The following SLC25A20 variants were observed in gnomAD, a reference collection of about 807,000 sequenced individuals.
SLC25A20 encodes solute carrier family 25 member 20, also known as mitochondrial carnitine/acylcarnitine carrier protein.
A neutral mutation model predicts 39.7 loss-of-function variants in SLC25A20; 29 were observed. The observed-to-expected ratio is 0.73, with a 90% CI of 0.54 to 1.00. The LOEUF (loss-of-function observed/expected upper bound fraction) is 1.00. SLC25A20 is among the 50% of genes least tolerant of loss of function. The pLI, the probability that SLC25A20 is intolerant of heterozygous loss-of-function variation, is 0.00. For missense variants in SLC25A20, 333 were observed against 379.9 expected (o/e 0.88, Z 1.03); for synonymous variants, 103 against 142.2 (o/e 0.72, Z 1.96).
intron 4 of SLC25A20, among the ~76,000 whole-genome samples, chr3:48,869,272 CAG>C (rs780992517): frequency 1.3e-5 from 2 of 152,178 alleles, no homozygotes; most frequent in African/African-American, 2.4e-5. Context: ...ACCAAGATGT[CAG>C]AGACATTAGA....
chr3:48,868,928 T>A (rs933210704), intron 4 of SLC25A20, among the ~76,000 whole-genome samples: 10 of 152,184 alleles, frequency 6.6e-5, no homozygotes, highest in East Asian at 1.9e-4. Context: ...AATTAAATTT[T>A]AAAAAAAGGA....
At chr3:48,893,190 G>T (rs1222636854) in intron 1 of SLC25A20, among the ~76,000 whole-genome samples, 2 of 151,276 alleles carry the variant, frequency 1.3e-5, no homozygotes, top group African/African-American at 4.9e-5. Context: ...ACAATGCCAG[G>T]CTAATTTTTA....
chr3:48,883,738 C>T (rs777318153), intron 3 of SLC25A20, among the ~76,000 whole-genome samples: 19 of 150,448 alleles, frequency 1.3e-4, no homozygotes, highest in Non-Finnish European at 2.7e-4. Flanking sequence ...TCTCCTGCCT[C>T]GGCCTTCCAA....
intron 4 of SLC25A20, among the ~76,000 whole-genome samples, chr3:48,871,605 T>A (rs1185236793): frequency 6.6e-6 from 1 of 151,836 alleles, no homozygotes; most frequent in East Asian, 1.9e-4. Flanking sequence ...CCATCTCTTC[T>A]AAGAATACAA....
At chr3:48,876,502 T>G (rs1480987081) in intron 4 of SLC25A20, among the ~76,000 whole-genome samples, 1 of 150,588 alleles carries the variant, frequency 6.6e-6, no homozygotes, top group Admixed American at 6.7e-5. Context: ...CTTGGCTCAC[T>G]GAAAACTCCA....
chr3:48,896,258 C>T (rs761376922), intron 1 of SLC25A20, among the ~76,000 whole-genome samples: 1 of 151,498 alleles, frequency 6.6e-6, no homozygotes, highest in African/African-American at 2.4e-5. Flanking sequence ...CAGCCTCAAA[C>T]TCCTAGGTTC....
rs763884203 is a variant in SLC25A20, at chr3:48,871,768, C to CA, written c.417+7589dup. On this transcript the variant is annotated intron_variant, in intron 4 of 8. Transcript: ENST00000319017. ...GGCAACAAAGAGCGAAACTCCATCT[C>CA]AAAAAAAAAAAAAAAAAAGAGAGAG... Among the ~76,000 whole-genome samples, 458 of 61,686 alleles carry CA rather than the reference C, an allele frequency of 7.4e-3. 5 individuals carry two copies. The highest frequency in any genetic ancestry group is 0.019 in the African/African-American group (316 of 16,720). 40.5% of individuals were successfully genotyped at this position (61,686 alleles called of 152,430 possible).
chr3:48,864,681 G>C (rs888516390), intron 4 of SLC25A20, among the ~76,000 whole-genome samples: 1 of 151,968 alleles, frequency 6.6e-6, no homozygotes, highest in Middle Eastern at 3.4e-3. Context: ...GTGACCTGGG[G>C]GGCCGTGGAG....
chr3:48,860,978 G>A (rs375153603), intron 5 of SLC25A20, among the ~76,000 whole-genome samples: 3 of 151,304 alleles, frequency 2.0e-5, no homozygotes, highest in South Asian at 2.1e-4. Context: ...GGATGCATGC[G>A]CCACCACGCC....
intron 2 of SLC25A20, among the ~76,000 whole-genome samples, chr3:48,889,347 G>C (rs2083856459): frequency 6.6e-6 from 1 of 151,640 alleles, no homozygotes; most frequent in South Asian, 2.1e-4. Flanking sequence ...CCAAGTTCAT[G>C]CCACTGTAGT....
intron 1 of SLC25A20, among the ~76,000 whole-genome samples, chr3:48,896,846 C>T (rs1281151932): frequency 6.6e-6 from 1 of 151,774 alleles, no homozygotes; most frequent in Non-Finnish European, 1.5e-5. Flanking sequence ...ATAATATGAT[C>T]CCCACTTGCA....
At chr3:48,860,474 G>T (rs528577175) in intron 5 of SLC25A20, among the ~76,000 whole-genome samples, 1 of 151,884 alleles carries the variant, frequency 6.6e-6, no homozygotes, top group South Asian at 2.1e-4. Context: ...GCATGGTGGT[G>T]CATGCCTGTA....
At chr3:48,897,076 C>CTTTT (rs11390016) in intron 1 of SLC25A20, among the ~76,000 whole-genome samples, 1 of 129,596 alleles carries the variant, frequency 7.7e-6, no homozygotes, top group East Asian at 2.2e-4. Flanking sequence ...TCTTCTTCTC[C>CTTTT]TTTTTTTTTT....
chr3:48,888,216 A>G (rs1264463287), intron 2 of SLC25A20, among the ~76,000 whole-genome samples: 1 of 150,222 alleles, frequency 6.7e-6, no homozygotes, highest in Non-Finnish European at 1.5e-5. Flanking sequence ...CGAAAAAAAA[A>G]AAAAAAAAAA....
chr3:48,862,700 G>A (rs1296651229), intron 4 of SLC25A20, 41 bp from the exon 5 acceptor site: 3 of 1,356,992 alleles, frequency 2.2e-6, no homozygotes. Flanking sequence ...AAACATCAGA[G>A]TCACAGACCC....
intron 4 of SLC25A20, among the ~76,000 whole-genome samples, chr3:48,870,563 T>C (rs1049330343): frequency 6.0e-5 from 9 of 149,702 alleles, no homozygotes; most frequent in African/African-American, 1.2e-4. Flanking sequence ...TTTTTCTTTT[T>C]TTTTTTTTTT....
chr3:48,860,986 G>A (rs1426139486), intron 5 of SLC25A20, among the ~76,000 whole-genome samples: 2 of 151,422 alleles, frequency 1.3e-5, no homozygotes, highest in African/African-American at 4.8e-5. Flanking sequence ...GCGCCACCAC[G>A]CCCGGCTAAT....
At chr3:48,888,955 A>G (rs894780298) in intron 2 of SLC25A20, among the ~76,000 whole-genome samples, 6 of 151,748 alleles carry the variant, frequency 4.0e-5, no homozygotes, top group Admixed American at 6.6e-5. Flanking sequence ...ATGGTGGTGC[A>G]TGCCTATAAT....
intron 4 of SLC25A20, among the ~76,000 whole-genome samples, chr3:48,869,065 G>A (rs1433745235): frequency 6.6e-6 from 1 of 152,128 alleles, no homozygotes; most frequent in East Asian, 1.9e-4. Flanking sequence ...TGTCAACAGA[G>A]GCCAAATAGG....
Sources: allele counts gnomAD v4.1 joint callset (sites outside exome capture counted in the v4.1 genomes callset), GRCh38; gene constraint gnomAD v4.1.1; transcripts MANE v1.5; gene names NCBI Gene and HGNC (gene_info 2026-07-23, HGNC 2026-07-21).